The following ALB variants were observed in gnomAD, a reference collection of about 807,000 sequenced individuals.
ALB encodes albumin.
In ALB, 37 loss-of-function variants were observed where a neutral mutation model predicts 74.5. That is an observed-to-expected ratio of 0.50 (90% confidence interval 0.38 to 0.65). The LOEUF is 0.65. Among genes scored for constraint, ALB ranks in the 30% least tolerant of loss-of-function variants. The pLI, the probability that ALB is intolerant of heterozygous loss-of-function variation, is 0.00. For synonymous variants in ALB, 249 were observed against 251.6 expected (o/e 0.99, Z 0.10); for missense variants, 685 against 718.7 (o/e 0.95, Z 0.54).
chr4:73,411,880 A>C (rs1370294081), intron 6 of ALB, 116 bp from the exon 7 acceptor site: 8 of 1,350,054 alleles, frequency 5.9e-6, no homozygotes. Flanking sequence ...AATGAATTTT[A>C]AAAATTATTT....
At chr4:73,419,195 A>G (rs1029061279) in intron 12 of ALB, 3 of 251,220 alleles carry the variant, frequency 1.2e-5, no homozygotes, top group African/African-American at 4.5e-5. Flanking sequence ...TATAATTGCA[A>G]TGACATACTT....
rs377345537 is a variant in ALB, at chr4:73,410,396, G to A, written c.700G>A (p.Ala234Thr). The A allele has an allele frequency of 1.2e-6, 2 of 1,610,200 alleles. No homozygotes were observed. The highest frequency in any genetic ancestry group is 2.7e-5 in the African/African-American group (2 of 74,816). Residue 234 changes from alanine to threonine, a missense_variant, in exon 6 of 15, where the codon GCT becomes ACT. Physicochemically the swap from Ala to Thr is moderately conservative, Grantham distance 58 (BLOSUM62 0). Transcript: ENST00000295897. ...CAGTCTCCAAAAATTTGGAGAAAGAGCTTTCAAAGCATGGTAAATACTTTT... is the reference window on the plus strand; with the variant it reads ...CAGTCTCCAAAAATTTGGAGAAAGAACTTTCAAAGCATGGTAAATACTTTT... ...CASLQKFGER[A>T]FKAWAVARLS...
intron 2 of ALB, among the ~76,000 whole-genome samples, chr4:73,405,575 C>T (rs1718699260): frequency 6.6e-6 from 1 of 151,770 alleles, no homozygotes; most frequent in African/African-American, 2.4e-5. Context: ...CATTCCTGTG[C>T]TTAGTTGGGA....
chr4:73,419,484 T>G, intron 12 of ALB, 23 bp from the exon 13 acceptor site: 1 of 1,605,852 alleles, frequency 6.2e-7, no homozygotes, highest in Non-Finnish European at 8.5e-7. Flanking sequence ...GTTTTTTTTT[T>G]TTCTTTTTCC....
At chr4:73,412,353 A>G (rs1458336738) in intron 7 of ALB, 2 of 564,076 alleles carry the variant, frequency 3.5e-6, no homozygotes, top group African/African-American at 1.9e-5. Context: ...CCTTTCAGTC[A>G]TGCTCTAACT....
At chr4:73,411,959 A>T (rs1169292728) in intron 6 of ALB, 37 bp from the exon 7 acceptor site, 1 of 1,613,322 alleles carries the variant, frequency 6.2e-7, no homozygotes, top group Non-Finnish European at 8.5e-7. Context: ...AAAATATCGC[A>T]TGATAATACC....
chr4:73,410,476 T>G, intron 6 of ALB, 67 bp downstream of exon 6: 1 of 1,239,692 alleles, frequency 8.1e-7, no homozygotes, highest in Non-Finnish European at 1.2e-6. Context: ...AGTGACAAAT[T>G]GTACATTTTT....
At position 73,408,948 on chromosome 4, in the gene ALB, G is replaced by A. The variant is rs1388827421; in HGVS notation, c.482+143G>A. On this transcript the variant is annotated intron_variant, in intron 4 of 14. Transcript: ENST00000295897. ...GTTATGATGATTTTTTAAAGAAGTA[G>A]TATTTGATACCACAAAATTCTACAC... The A allele has an allele frequency of 7.9e-6, 6 of 759,072 alleles. No individual in the cohort carries two copies. In the African/African-American group the frequency reaches 8.8e-5, roughly 11 times the overall value. The allele number at this position is 759,072 out of a possible 1,614,324, so 47.0% of individuals were successfully genotyped here. A position where few individuals can be genotyped will look rare whatever the true frequency, so the allele number is the denominator to read the frequency against.
chr4:73,413,413 C>T lies in ALB; in HGVS notation c.844-7C>T. ...GTGTTGAACAATTTCCACCAACTTA[C>T]TTATAGGCGGACCTTGCCAAGTATA... is the stretch of plus-strand genomic sequence containing the variant. On this transcript the variant is annotated splice_polypyrimidine_tract_variant and splice_region_variant and intron_variant, in intron 7 of 14. Transcript: ENST00000295897. The T allele has an allele frequency of 1.2e-6, 2 of 1,610,744 alleles. No homozygotes were observed. Among genetic ancestry groups the T allele is most frequent in the Non-Finnish European group, 1.7e-6 (2 of 1,176,974 alleles).
At chr4:73,415,283 G>T (rs1718985917) in intron 9 of ALB, 116 bp downstream of exon 9, 1 of 1,299,730 alleles carries the variant, frequency 7.7e-7, no homozygotes, top group Non-Finnish European at 1.1e-6. Context: ...CTTTTCTTGA[G>T]ATGGTTTCAA....
At chr4:73,417,452 C>T (rs550633295) in intron 10 of ALB, 79 bp from the exon 11 acceptor site, 37 of 1,536,342 alleles carry the variant, frequency 2.4e-5, no homozygotes, top group South Asian at 7.8e-5. Context: ...TAGTTGATTC[C>T]GGCCAAGTGT....
chr4:73,418,938 C>A (rs891545229), intron 12 of ALB, among the ~76,000 whole-genome samples: 2 of 152,072 alleles, frequency 1.3e-5, no homozygotes, highest in Admixed American at 1.3e-4. Flanking sequence ...GTTGTCTTTG[C>A]AGATGTCAGT....
chr4:73,410,591 T>A (rs1278320240), intron 6 of ALB, among the ~76,000 whole-genome samples, 182 bp downstream of exon 6: 1 of 152,182 alleles, frequency 6.6e-6, no homozygotes, highest in Admixed American at 6.5e-5. Context: ...GACATTATTT[T>A]TAATCTTTTC....
intron 5 of ALB, 27 bp from the exon 6 acceptor site, chr4:73,410,285 T>G: frequency 6.3e-7 from 1 of 1,590,378 alleles, no homozygotes; most frequent in Non-Finnish European, 8.6e-7. Context: ...TTTCTTCTAA[T>G]TTTCATCAAA....
rs931599479 is a variant in ALB at position 73,413,277 on chromosome 4, G to A, written c.844-143G>A. The A allele has an allele frequency of 3.5e-5, 28 of 790,904 alleles. No homozygotes were observed. In the African/African-American group the frequency reaches 4.3e-4, roughly 12 times the overall value. 49.0% of individuals were successfully genotyped at this position (790,904 alleles called of 1,614,324 possible). On this transcript the variant is annotated intron_variant, in intron 7 of 14. Coordinates refer to ENST00000295897, the MANE Select transcript of ALB (RefSeq NM_000477.7). The stretch of plus-strand genomic sequence containing the variant: ...GTCCTATCTACATCTCCAGGTTTAG[G>A]AGCAAACAGAGTATGTTCATAGAAG...
In ALB at chr4:73,412,059, G is replaced by A. The variant is rs1246078736; in HGVS notation, c.777G>A (p.Val259=). The change falls in exon 7 of 15, where the codon GTG becomes GTA. Residue 259 remains valine, a synonymous_variant. Coordinates refer to ENST00000295897, the MANE Select transcript of ALB (RefSeq NM_000477.7). ...AGTTTGCAGAAGTTTCCAAGTTAGT[G>A]ACAGATCTTACCAAAGTCCACACGG... ...KAEFAEVSKL[V]TDLTKVHTEC... is the part of the protein sequence containing the mutation. 1 of 1,614,036 alleles carries A rather than the reference G, an allele frequency of 6.2e-7. No individual in the cohort carries two copies. The highest frequency in any genetic ancestry group is 8.5e-7 in the Non-Finnish European group (1 of 1,180,020).
Position 73,406,690 on chromosome 4 carries a change from G to A in ALB, c.199G>A (p.Val67Met). Residue 67 changes from valine (V) to methionine (M), a missense_variant, in exon 3 of 15, where the codon GTG (valine) becomes ATG (methionine). Physicochemically the swap from Val to Met is conservative, Grantham distance 21. Transcript: ENST00000295897. ...QCPFEDHVKL[V>M]NEVTEFAKTC... Reference sequence around the variant, plus strand: ...TCCATTTGAAGATCATGTAAAATTAGTGAATGAAGTAACTGAATTTGCAAA... The same window carrying A: ...TCCATTTGAAGATCATGTAAAATTAATGAATGAAGTAACTGAATTTGCAAA... 1 of 1,613,906 alleles carries A rather than the reference G, an allele frequency of 6.2e-7. No homozygotes were observed. Among genetic ancestry groups the A allele is most frequent in the South Asian group, 1.1e-5 (1 of 91,074 alleles).
intron 1 of ALB, 95 bp from the exon 2 acceptor site, chr4:73,405,021 A>G (rs1718682982): frequency 8.2e-7 from 1 of 1,225,216 alleles, no homozygotes; most frequent in African/African-American, 1.5e-5. Flanking sequence ...ACAAATGCAT[A>G]ATCTAAGTCA....
chr4:73,416,316 C>CT lies in ALB; in HGVS notation c.1257dup (p.Glu420Ter). On this transcript the variant is annotated frameshift_variant, in exon 10 of 15. Coordinates refer to ENST00000295897, the MANE Select transcript of ALB (RefSeq NM_000477.7). LOFTEE classifies it high-confidence loss of function. The stretch of plus-strand genomic sequence containing the variant: ...GAATTTAATCAAACAAAATTGTGAG[C>CT]TTTTTGAGCAGCTTGGAGAGTACAA... 2 of 1,613,558 alleles carry CT rather than the reference C, an allele frequency of 1.2e-6. No homozygotes were observed. The highest frequency in any genetic ancestry group is 1.7e-6 in the Non-Finnish European group (2 of 1,179,732).
Sources: allele counts gnomAD v4.1 joint callset (sites outside exome capture counted in the v4.1 genomes callset), GRCh38; gene constraint gnomAD v4.1.1; transcripts MANE v1.5; gene names NCBI Gene and HGNC (gene_info 2026-07-23, HGNC 2026-07-21).